Variants in NEK1 observed in about 807,000 individuals in gnomAD.
NEK1 encodes serine/threonine-protein kinase Nek1.
In NEK1, 137 loss-of-function variants were observed where a neutral mutation model predicts 182.1. The ratio of observed to expected loss-of-function variants is 0.75; its 90% CI spans 0.65 to 0.87. NEK1 has a LOEUF of 0.87. Ranked by LOEUF, NEK1 falls within the 40% of genes least tolerant of loss-of-function variation. NEK1 has a pLI of 0.00. For missense variants in NEK1, 1,391 were observed against 1,494.4 expected (o/e 0.93, Z 1.14); for synonymous variants, 513 against 492.2 (o/e 1.04, Z -0.56).
chr4:169,510,696 G>C (rs2149704782), intron 19 of NEK1, among the ~76,000 whole-genome samples: 1 of 152,156 alleles, frequency 6.6e-6, no homozygotes, highest in East Asian at 1.9e-4. Flanking sequence ...ACATTCTGTT[G>C]AATGGCAGGT....
intron 29 of NEK1, 111 bp downstream of exon 29, chr4:169,433,434 G>C: frequency 3.0e-6 from 3 of 985,722 alleles, no homozygotes; most frequent in Non-Finnish European, 3.0e-6. Flanking sequence ...CTTTTATAAG[G>C]TATTACAATA....
chr4:169,600,814 ATGTAT>A (rs1770363984), intron 4 of NEK1, among the ~76,000 whole-genome samples: 1 of 152,216 alleles, frequency 6.6e-6, no homozygotes, highest in African/African-American at 2.4e-5. Context: ...TGATGCTAGC[ATGTAT>A]TCTTCTAAAA....
chr4:169,490,192 C>A (rs1047850441), intron 23 of NEK1, among the ~76,000 whole-genome samples: 1 of 152,166 alleles, frequency 6.6e-6, no homozygotes, highest in Non-Finnish European at 1.5e-5. Context: ...TTGATTACAA[C>A]TGAAGGAGCT....
At position 169,426,198 on chromosome 4, in the gene NEK1, A is replaced by G. The variant is rs763981493; in HGVS notation, c.2922T>C (p.Val974=). ...ADRITIQENE[V]SEDGVSSTVD... ...CAGTACTCGAGACTCCATCTTCAGA[A>G]ACTTCATTTTCCTGAATGGTGATCC... The change falls in exon 30 of 36, where the codon GTT becomes GTC. Residue 974 remains valine, a synonymous_variant. Coordinates refer to ENST00000507142, the MANE Select transcript of NEK1 (RefSeq NM_001199397.3). 10 of 1,613,624 alleles carry G rather than the reference A, an allele frequency of 6.2e-6. No homozygotes were observed. The South Asian group carries it at 1.1e-4, about 18-fold the overall frequency.
chr4:169,561,867 C>T lies in NEK1; in HGVS notation c.1105G>A (p.Glu369Lys), dbSNP rs780665687. The T allele has an allele frequency of 6.2e-6, 10 of 1,608,408 alleles. No individual in the cohort carries two copies. The highest frequency in any genetic ancestry group is 1.3e-5 in the African/African-American group (1 of 74,684). Reference sequence around the variant, plus strand: ...TGTTTCTTTTCTTTTTCAATAAATTCCAGCCTTCTCTTTCTTGCTGCTTCC... The same window carrying T: ...TGTTTCTTTTCTTTTTCAATAAATTTCAGCCTTCTCTTTCTTGCTGCTTCC... Reference protein sequence around the residue: ...SEEAARKRRLEFIEKEKKQKD... With the variant: ...SEEAARKRRLKFIEKEKKQKD... Residue 369 changes from glutamate to lysine, a missense_variant, in exon 14 of 36, where the codon GAA becomes AAA. Physicochemically the swap from Glu to Lys is moderately conservative, Grantham distance 56 (BLOSUM62 1). This residue lies in a region of NEK1 where 1,216 missense variants were observed against 1,277.6 expected (regional missense o/e 0.95). Coordinates refer to ENST00000507142, the MANE Select transcript of NEK1 (RefSeq NM_001199397.3).
At chr4:169,607,091 CT>C (rs2150157279) in intron 2 of NEK1, among the ~76,000 whole-genome samples, 2 of 152,340 alleles carry the variant, frequency 1.3e-5, no homozygotes, top group Admixed American at 1.3e-4. Flanking sequence ...TGTTCCTAAA[CT>C]GTGCATACAT....
At chr4:169,504,128 T>G (rs1752848143) in intron 23 of NEK1, among the ~76,000 whole-genome samples, 1 of 152,182 alleles carries the variant, frequency 6.6e-6, no homozygotes, top group Non-Finnish European at 1.5e-5. Flanking sequence ...GAAAAAGTGC[T>G]CAACATCACT....
intron 19 of NEK1, among the ~76,000 whole-genome samples, chr4:169,528,566 G>T (rs1242838292): frequency 6.6e-6 from 1 of 152,168 alleles, no homozygotes; most frequent in African/African-American, 2.4e-5. Flanking sequence ...GCTGTGTCCA[G>T]ACTCCTAATC....
intron 32 of NEK1, among the ~76,000 whole-genome samples, chr4:169,402,902 T>C (rs1731929709): frequency 6.6e-6 from 1 of 152,130 alleles, no homozygotes; most frequent in Non-Finnish European, 1.5e-5. Context: ...AGGAGTTAAC[T>C]GATGTTTTAG....
At chr4:169,450,481 T>G (rs1741500737) in intron 27 of NEK1, among the ~76,000 whole-genome samples, 1 of 152,188 alleles carries the variant, frequency 6.6e-6, no homozygotes, top group Non-Finnish European at 1.5e-5. Flanking sequence ...AGCAGATCTC[T>G]CGGCAGAAAT....
Position 169,463,274 on chromosome 4 carries a change from T to C in NEK1, c.2556A>G (p.Thr852=). 1 of 1,586,594 alleles carries C rather than the reference T, an allele frequency of 6.3e-7. No individual in the cohort carries two copies. Among genetic ancestry groups the C allele is most frequent in the Non-Finnish European group, 8.6e-7 (1 of 1,166,562 alleles). ...TAATAGTTGTATTTTCTAATAGTTC[T>C]GTCTGAAGTTGTAGTTCAGCTTCTC... ...ILGEAELQLQ[T]ELLENTTIRS... is the part of the protein sequence containing the mutation. The change falls in exon 27 of 36, where the codon ACA becomes ACG. Residue 852 remains threonine (T), a synonymous_variant. Coordinates refer to ENST00000507142, the MANE Select transcript of NEK1 (RefSeq NM_001199397.3).
chr4:169,573,317 A>G (rs552296126), intron 12 of NEK1, among the ~76,000 whole-genome samples: 1 of 152,322 alleles, frequency 6.6e-6, no homozygotes, highest in African/African-American at 2.4e-5. Context: ...GTGAAAAGCA[A>G]AGAGAAGGTA....
Position 169,556,981 on chromosome 4 carries a change from T to G in NEK1, c.1267-886A>C, listed in dbSNP as rs1762257465. The stretch of plus-strand genomic sequence containing the variant: ...TAAGTTTGGCTATAAAAGCTTGGTA[T>G]AGCTAAATGCTAAATGCTATCTGCC... On this transcript the variant is annotated intron_variant, in intron 16 of 35. Transcript: ENST00000507142. Among the ~76,000 whole-genome samples, 3 of 152,222 alleles carry G rather than the reference T, an allele frequency of 2.0e-5. No homozygotes were observed. The South Asian group carries it at 6.2e-4, about 32-fold the overall frequency.
chr4:169,532,159 TATG>T (rs768634604), intron 19 of NEK1, among the ~76,000 whole-genome samples: 13 of 152,194 alleles, frequency 8.5e-5, no homozygotes, highest in Admixed American at 1.3e-4. Flanking sequence ...ACAGTTTACA[TATG>T]ATGATGGTGG....
chr4:169,400,897 C>T (rs1386393999), intron 33 of NEK1, among the ~76,000 whole-genome samples: 9 of 149,282 alleles, frequency 6.0e-5, no homozygotes, highest in African/African-American at 2.2e-4. Flanking sequence ...GGAATCAAAA[C>T]ACTCCTAGAG....
chr4:169,457,070 G>A (rs746646044), intron 27 of NEK1, among the ~76,000 whole-genome samples: 2 of 152,144 alleles, frequency 1.3e-5, no homozygotes, highest in Non-Finnish European at 2.9e-5. Flanking sequence ...GAAGGGTGGT[G>A]GTGGTGGGTG....
intron 23 of NEK1, among the ~76,000 whole-genome samples, chr4:169,502,615 G>C (rs1752597764): frequency 6.6e-6 from 1 of 151,810 alleles, no homozygotes; most frequent in Non-Finnish European, 1.5e-5. Context: ...CACATAAACA[G>C]AATTTTAAAA....
chr4:169,421,671 C>T (rs1462774264), intron 31 of NEK1, among the ~76,000 whole-genome samples: 1 of 152,142 alleles, frequency 6.6e-6, no homozygotes, highest in Non-Finnish European at 1.5e-5. Flanking sequence ...CCTTCTAGGA[C>T]CATGATGGTT....
At chr4:169,484,106 T>C (rs1485449423) in intron 23 of NEK1, among the ~76,000 whole-genome samples, 4 of 152,242 alleles carry the variant, frequency 2.6e-5, no homozygotes, top group Non-Finnish European at 5.9e-5. Context: ...AGATGATTAC[T>C]TAAAAGAAAT....
Sources: gnomAD v4.1 joint callset for allele counts (sites outside exome capture counted in the v4.1 genomes callset) on GRCh38, gnomAD v4.1.1 for gene constraint, gnomAD v4.1.1 regional missense constraint, MANE v1.5 for transcripts, NCBI Gene and HGNC (gene_info 2026-07-23, HGNC 2026-07-21) for gene names.